CLUAP1: variants seen among roughly 807,000 people sequenced by gnomAD.
The protein encoded by CLUAP1 is clusterin-associated protein 1.
Under a neutral mutation model 55.0 loss-of-function variants are expected in CLUAP1, and 50 were observed. That is an observed-to-expected ratio of 0.91 (90% confidence interval 0.72 to 1.15). CLUAP1 has a LOEUF of 1.15. Ranked by LOEUF, CLUAP1 falls within the 50% of genes most tolerant of loss-of-function variation. The pLI is 0.00. For missense variants in CLUAP1, 530 were observed against 507.6 expected (o/e 1.04, Z -0.42); for synonymous variants, 195 against 175.4 (o/e 1.11, Z -0.88).
At chr16:3,525,365 C>A (rs2037921883) in intron 8 of CLUAP1, among the ~76,000 whole-genome samples, 1 of 152,024 alleles carries the variant, frequency 6.6e-6, no homozygotes, top group Non-Finnish European at 1.5e-5. Flanking sequence ...TCCCAGGGAG[C>A]CCCTCTACCC....
chr16:3,496,484 G>C, upstream of CLUAP1: 1 of 729,800 alleles, frequency 1.4e-6, no homozygotes, highest in South Asian at 1.3e-5. Context: ...CGAGGGTTCA[G>C]GAGGTGCCCA....
At chr16:3,528,301 T>G (rs2037986878) in intron 9 of CLUAP1, among the ~76,000 whole-genome samples, 1 of 152,154 alleles carries the variant, frequency 6.6e-6, no homozygotes, top group African/African-American at 2.4e-5. Flanking sequence ...CCCACACACA[T>G]GCTCCCACAC....
chr16:3,524,368 A>T (rs2037898325), intron 8 of CLUAP1, among the ~76,000 whole-genome samples: 3 of 151,774 alleles, frequency 2.0e-5, no homozygotes, highest in Admixed American at 6.6e-5. Context: ...TTGGGAGGCC[A>T]CAGCTGGTGG....
At chr16:3,496,551 TG>T, upstream of CLUAP1, 3 of 549,042 alleles carry the variant, frequency 5.5e-6, no homozygotes, top group Non-Finnish European at 7.2e-6. Context: ...ATCCTCAGGG[TG>T]GGGGCCAAGA....
At chr16:3,496,473 G>T (rs1233336544), upstream of CLUAP1, 14 of 814,820 alleles carry the variant, frequency 1.7e-5, no homozygotes, top group Non-Finnish European at 2.8e-5. Context: ...AACGGATGAC[G>T]CGAGGGTTCA....
At chr16:3,533,388 C>T (rs994381877) in intron 11 of CLUAP1, 28 of 540,926 alleles carry the variant, frequency 5.2e-5, no homozygotes, top group African/African-American at 3.8e-5. Context: ...GGCCCTGGGC[C>T]GCCACCTAGA....
intron 2 of CLUAP1, 112 bp from the exon 3 acceptor site, chr16:3,506,219 G>C: frequency 9.7e-6 from 8 of 823,192 alleles, no homozygotes; most frequent in Non-Finnish European, 1.5e-5. Flanking sequence ...CCCACTTGGG[G>C]ACTTGGAGAG....
intron 3 of CLUAP1, among the ~76,000 whole-genome samples, chr16:3,507,059 G>A (rs1013120923): frequency 6.6e-6 from 1 of 151,884 alleles, no homozygotes; most frequent in African/African-American, 2.4e-5. Flanking sequence ...AGTTGGATGT[G>A]GTGGCGGGCA....
At chr16:3,528,425 A>G (rs2037990611) in intron 9 of CLUAP1, among the ~76,000 whole-genome samples, 1 of 152,186 alleles carries the variant, frequency 6.6e-6, no homozygotes, top group Non-Finnish European at 1.5e-5. Context: ...GAGGAAGGAT[A>G]GGGACTGCTG....
intron 9 of CLUAP1, chr16:3,530,318 T>C (rs1189186755): frequency 2.5e-6 from 1 of 392,472 alleles, no homozygotes; most frequent in Non-Finnish European, 4.6e-6. Flanking sequence ...ACCTGCTCAC[T>C]TCTCAGGTCT....
intron 10 of CLUAP1, 36 bp from the exon 11 acceptor site, chr16:3,532,750 A>T: frequency 6.2e-7 from 1 of 1,611,160 alleles, no homozygotes; most frequent in South Asian, 1.1e-5. Flanking sequence ...ATTTTCCAAG[A>T]TTTTTATGAC....
upstream of CLUAP1, among the ~76,000 whole-genome samples, chr16:3,500,432 C>T (rs2037367935): frequency 6.7e-6 from 1 of 149,462 alleles, no homozygotes; most frequent in Admixed American, 6.7e-5. Context: ...GGCAGTGGCG[C>T]GATCTCGGCT....
chr16:3,532,786 G>C lies in CLUAP1; in HGVS notation c.1037G>C (p.Gly346Ala). 6.2e-7 allele frequency: 1 copy of C among 1,613,942 alleles called. No homozygotes were observed. The highest frequency in any genetic ancestry group is 1.1e-5 in the South Asian group (1 of 91,066). The stretch of plus-strand genomic sequence containing the variant: ...TTCTTCATGCTTTTGTTGTTCTCAG[G>C]AAGACCTGGCAAACGCATTGTGGGC... ...PQTAMEMLMQ[G>A]RPGKRIVGTM... The change falls in exon 11 of 12, where the codon GGA (glycine) becomes GCA (alanine). Residue 346 changes from glycine (G) to alanine (A), a missense_variant and splice_region_variant. By Grantham distance (60) the Gly-to-Ala change is moderately conservative. Transcript: ENST00000576634.
Position 3,536,113 on chromosome 16 carries a change from T to A in CLUAP1, c.1093-9T>A. 6.2e-7 allele frequency: 1 copy of A among 1,613,256 alleles called. No homozygotes were observed. The highest frequency in any genetic ancestry group is 8.5e-7 in the Non-Finnish European group (1 of 1,179,450). On this transcript the variant is annotated splice_polypyrimidine_tract_variant and intron_variant, in intron 11 of 11. Transcript: ENST00000576634. Reference sequence around the variant, plus strand: ...ATCCCCCGTTGCATCTGCCATTTTTTTCCTATAGGAGGACTCGGAGGAGAG... The same window carrying A: ...ATCCCCCGTTGCATCTGCCATTTTTATCCTATAGGAGGACTCGGAGGAGAG...
intron 10 of CLUAP1, among the ~76,000 whole-genome samples, chr16:3,532,562 G>C (rs1396601330): frequency 6.7e-6 from 1 of 149,056 alleles, no homozygotes; most frequent in African/African-American, 2.6e-5. Flanking sequence ...CTACAGGTGT[G>C]AACCACCATA....
intron 10 of CLUAP1, among the ~76,000 whole-genome samples, 160 bp from the exon 11 acceptor site, chr16:3,532,626 C>T (rs1393789890): frequency 2.0e-5 from 3 of 151,952 alleles, no homozygotes; most frequent in Admixed American, 2.0e-4. Context: ...TTATGTTGCC[C>T]AGGCTGGCCT....
chr16:3,526,302 C>T (rs1258835808), intron 8 of CLUAP1, 110 bp from the exon 9 acceptor site: 1 of 551,836 alleles, frequency 1.8e-6, no homozygotes, highest in Non-Finnish European at 2.9e-6. Context: ...GAGTTTAGCT[C>T]TTTTTTTGTT....
At chr16:3,528,493 C>T (rs950311160) in intron 9 of CLUAP1, among the ~76,000 whole-genome samples, 3 of 152,126 alleles carry the variant, frequency 2.0e-5, no homozygotes, top group Non-Finnish European at 4.4e-5. Context: ...CCAAAGCAGC[C>T]CTCCCCTTTT....
chr16:3,534,475 G>A (rs924781822), intron 11 of CLUAP1: 2 of 152,622 alleles, frequency 1.3e-5, no homozygotes, highest in African/African-American at 4.8e-5. Context: ...TTTTCTCTGA[G>A]TGTGAGGGGA....
Sources: gnomAD v4.1 joint callset for allele counts (sites outside exome capture counted in the v4.1 genomes callset) on GRCh38, gnomAD v4.1.1 for gene constraint, MANE v1.5 for transcripts, NCBI Gene and HGNC (gene_info 2026-07-23, HGNC 2026-07-21) for gene names.